The following CNBD1 variants were observed in gnomAD, a reference collection of about 807,000 sequenced individuals.
CNBD1 encodes cyclic nucleotide-binding domain-containing protein 1.
CNBD1 carries 71 observed loss-of-function variants against 54.4 expected under a neutral mutation model. The ratio of observed to expected loss-of-function variants is 1.30; its 90% confidence interval spans 1.08 to 1.59. The LOEUF is 1.59. Ranked by LOEUF, CNBD1 falls within the 40% of genes most tolerant of loss-of-function variation. The probability of loss-of-function intolerance (pLI) is 0.00; values close to 1 mark genes in which losing one functional copy is unlikely to be tolerated. For synonymous variants in CNBD1, 182 were observed against 170.7 expected (o/e 1.07, Z -0.51); for missense variants, 659 against 518.0 (o/e 1.27, Z -2.64).
intron 4 of CNBD1, among the ~76,000 whole-genome samples, chr8:87,106,558 A>C (rs1023829846): frequency 2.6e-5 from 4 of 152,202 alleles, no homozygotes; most frequent in Non-Finnish European, 4.4e-5. Context: ...TAATCAAATA[A>C]TGATTATTAA....
chr8:87,390,008 T>C lies in CNBD1; in HGVS notation c.213+36222T>C, dbSNP rs1182235532. 3.3e-5 allele frequency among the ~76,000 whole-genome samples: 5 copies of C among 151,244 alleles called. No individual in the cohort carries two copies. The East Asian group carries it at 9.6e-4, about 29-fold the overall frequency. On this transcript the variant is annotated intron_variant, in intron 2 of 7. Transcript: ENST00000521593. ...AACAAGCAATGGGGAAAGGATTCCCTATTTAATAAATGGTGCTGGGAAAAC... is the reference window on the plus strand; with the variant it reads ...AACAAGCAATGGGGAAAGGATTCCCCATTTAATAAATGGTGCTGGGAAAAC...
At position 87,322,410 on chromosome 8, in the gene CNBD1, A is replaced by G. The variant is rs1357421619; in HGVS notation, c.1043-29275A>G. Among the ~76,000 whole-genome samples, 6 of 120,024 alleles carry G rather than the reference A, an allele frequency of 5.0e-5. 1 individual carries two copies. The highest frequency in any genetic ancestry group is 7.4e-5 in the Non-Finnish European group (4 of 54,158). The allele number at this position is 120,024 out of a possible 152,430, so 78.7% of individuals were successfully genotyped here. ...TTCCACAATGGTTGAACTAGTTTAC[A>G]GTCCCACCAACAGTGTAAAAGTGTT... On this transcript the variant is annotated intron_variant, in intron 8 of 10. Coordinates refer to ENST00000518476, the MANE Select transcript of CNBD1 (RefSeq NM_173538.3).
chr8:87,007,064 G>C (rs966122553), intron 4 of CNBD1, among the ~76,000 whole-genome samples: 1 of 152,118 alleles, frequency 6.6e-6, no homozygotes, highest in Non-Finnish European at 1.5e-5. Context: ...AGGCGTGGTG[G>C]TGGGCGCCTG....
intron 4 of CNBD1, among the ~76,000 whole-genome samples, chr8:87,062,736 GAA>G (rs34209251): frequency 7.1e-6 from 1 of 140,418 alleles, no homozygotes; most frequent in Non-Finnish European, 1.6e-5. Flanking sequence ...AACTCCATCT[GAA>G]AAAAAAAAAA....
intron 4 of CNBD1, among the ~76,000 whole-genome samples, chr8:87,084,412 A>G (rs1811058181): frequency 6.6e-6 from 1 of 152,214 alleles, no homozygotes; most frequent in South Asian, 2.1e-4. Flanking sequence ...ATTATGTTTA[A>G]CCTTTGTTTC....
chr8:87,103,903 G>A (rs1811480570), intron 4 of CNBD1, among the ~76,000 whole-genome samples: 2 of 152,218 alleles, frequency 1.3e-5, no homozygotes, highest in South Asian at 4.1e-4. Context: ...GTCCTCTGCT[G>A]AGAGTAAGAG....
intron 2 of CNBD1, among the ~76,000 whole-genome samples, chr8:87,403,210 G>T (rs1807597837): frequency 6.6e-6 from 1 of 151,976 alleles, no homozygotes; most frequent in South Asian, 2.1e-4. Context: ...TATAGTTTGA[G>T]ACCCATTATT....
intron 3 of CNBD1, among the ~76,000 whole-genome samples, chr8:86,930,523 G>T (rs975793772): frequency 6.6e-6 from 1 of 152,202 alleles, no homozygotes. Context: ...GTCCACATAA[G>T]TTGGGACATG....
In CNBD1 at chr8:86,975,664, A is replaced by G. The variant is rs995310329; in HGVS notation, c.431+35910A>G. ...CTTCAGTTGTTTCTATATCTTGACT[A>G]TTGTGAATAATGCTGCAATGAATGT... On this transcript the variant is annotated intron_variant, in intron 4 of 10. Coordinates refer to ENST00000518476, the MANE Select transcript of CNBD1 (RefSeq NM_173538.3). Among the ~76,000 whole-genome samples the G allele has an allele frequency of 1.3e-5, 2 of 152,044 alleles. 1 individual carries two copies. Among genetic ancestry groups the G allele is most frequent in the South Asian group, 4.1e-4 (2 of 4,832 alleles).
At chr8:87,193,051 A>T (rs1414488215) in intron 4 of CNBD1, among the ~76,000 whole-genome samples, 1 of 152,208 alleles carries the variant, frequency 6.6e-6, no homozygotes, top group Admixed American at 6.6e-5. Context: ...TTTATTTAAA[A>T]TAAAACAAAA....
At chr8:87,000,901 A>G (rs1808977247) in intron 4 of CNBD1, among the ~76,000 whole-genome samples, 1 of 152,120 alleles carries the variant, frequency 6.6e-6, no homozygotes, top group Non-Finnish European at 1.5e-5. Context: ...AGGTCTCAAT[A>G]TTGAGCATTA....
At chr8:87,332,945 A>C (rs7844017) in intron 8 of CNBD1, among the ~76,000 whole-genome samples, 57,984 of 151,964 alleles carry the variant, frequency 0.38, 11,343 homozygotes, top group Middle Eastern at 0.46. Context: ...AATATTGAAT[A>C]TATAAATTAC....
chr8:87,263,122 GA>G (rs1468807922), intron 6 of CNBD1, among the ~76,000 whole-genome samples: 1 of 152,062 alleles, frequency 6.6e-6, no homozygotes, highest in African/African-American at 2.4e-5. Flanking sequence ...TCAAAATTGT[GA>G]TGGTATTATA....
chr8:87,092,459 GTGTGTGTGTGTATATATATACACATA>G (rs1563465566), intron 4 of CNBD1, among the ~76,000 whole-genome samples: 16 of 138,472 alleles, frequency 1.2e-4, no homozygotes, highest in African/African-American at 3.8e-4. Context: ...ATACACATAT[GTGTGTGTGTGTATATATATACACATA>G]TGTGTGTGTG....
intron 2 of CNBD1, among the ~76,000 whole-genome samples, chr8:87,421,504 C>T (rs1377036823): frequency 6.8e-6 from 1 of 148,110 alleles, no homozygotes; most frequent in Non-Finnish European, 1.5e-5. Context: ...CAATTCCCAC[C>T]TATGAGTGAG....
chr8:87,352,379 C>A (rs899452742), intron 9 of CNBD1, among the ~76,000 whole-genome samples: 3 of 149,636 alleles, frequency 2.0e-5, no homozygotes, highest in Admixed American at 6.7e-5. Context: ...ACTCAGGAGG[C>A]TGAGGCAGAA....
At chr8:87,335,895 G>T (rs752379130) in intron 8 of CNBD1, among the ~76,000 whole-genome samples, 1 of 152,150 alleles carries the variant, frequency 6.6e-6, no homozygotes, top group Non-Finnish European at 1.5e-5. Flanking sequence ...TGCAAGGCAG[G>T]CCTGGTGGTG....
chr8:87,256,968 A>T (rs1160520090), intron 6 of CNBD1, among the ~76,000 whole-genome samples: 1 of 152,070 alleles, frequency 6.6e-6, no homozygotes, highest in African/African-American at 2.4e-5. Flanking sequence ...TGAACCACAA[A>T]AAGCTTTCTT....
At chr8:87,405,635 G>T (rs1240173717) in intron 2 of CNBD1, among the ~76,000 whole-genome samples, 1 of 152,068 alleles carries the variant, frequency 6.6e-6, no homozygotes, top group Non-Finnish European at 1.5e-5. Flanking sequence ...GTCTGCAAGA[G>T]TAACACATGG....
Sources: allele counts gnomAD v4.1 joint callset (sites outside exome capture counted in the v4.1 genomes callset), GRCh38; gene constraint gnomAD v4.1.1; transcripts MANE v1.5; gene names NCBI Gene and HGNC (gene_info 2026-07-23, HGNC 2026-07-21).